The following PSD3 variants were observed in gnomAD, a reference collection of about 807,000 sequenced individuals.
PSD3 encodes the protein pleckstrin and Sec7 domain containing 3, also known as PH and SEC7 domain-containing protein 3.
A neutral mutation model predicts 105.5 loss-of-function variants in PSD3; 49 were observed. The ratio of observed to expected loss-of-function variants is 0.46; its 90% CI spans 0.37 to 0.59. The LOEUF (loss-of-function observed/expected upper bound fraction) is 0.59, where lower values mean the gene tolerates loss of function less well. Ranked by LOEUF, PSD3 falls within the 20% of genes least tolerant of loss-of-function variation. The pLI is 0.00. For missense variants in PSD3, 1,561 were observed against 1,263.8 expected (o/e 1.24, Z -3.57); for synonymous variants, 557 against 457.8 (o/e 1.22, Z -2.77).
chr8:18,875,658 T>G (rs762358602), intron 2 of PSD3, among the ~76,000 whole-genome samples: 2 of 151,976 alleles, frequency 1.3e-5, no homozygotes, highest in Non-Finnish European at 2.9e-5. Context: ...TGCCTCAGCC[T>G]CCCGAGGAGC....
chr8:18,611,070 T>A (rs1020708534), intron 11 of PSD3, among the ~76,000 whole-genome samples: 1 of 152,078 alleles, frequency 6.6e-6, no homozygotes, highest in Non-Finnish European at 1.5e-5. Flanking sequence ...ACATAAACAA[T>A]GAAAGTTAAT....
At chr8:18,919,774 C>G (rs1179953354) in intron 2 of PSD3, among the ~76,000 whole-genome samples, 1 of 145,916 alleles carries the variant, frequency 6.9e-6, no homozygotes, top group Non-Finnish European at 1.5e-5. Flanking sequence ...ACCGCATATT[C>G]TCACTCATAG....
At chr8:18,645,873 A>C (rs1334366436) in intron 10 of PSD3, among the ~76,000 whole-genome samples, 1 of 152,146 alleles carries the variant, frequency 6.6e-6, no homozygotes, top group Non-Finnish European at 1.5e-5. Flanking sequence ...CGTGCAAATA[A>C]TTTTATCAGT....
At position 19,028,231 on chromosome 8, in the gene PSD3, C is replaced by T. The variant is rs567694832; in HGVS notation, c.324+55975G>A. Among the ~76,000 whole-genome samples, 71 of 148,900 alleles carry T rather than the reference C, an allele frequency of 4.8e-4. 1 individual carries two copies. In the South Asian group the frequency reaches 8.1e-3, roughly 17 times the overall value. On this transcript the variant is annotated intron_variant, in intron 1 of 1. Transcript: ENST00000521475. ...ATGTACTTATTTTCACTTTGTGTGT[C>T]TTCTTTCATAAAGTGCCTGTTTCAA...
intron 1 of PSD3, among the ~76,000 whole-genome samples, chr8:19,041,521 A>T (rs1370444709): frequency 6.6e-6 from 1 of 152,230 alleles, no homozygotes; most frequent in Non-Finnish European, 1.5e-5. Context: ...TTTAAGTAAA[A>T]TTCAGTGCAA....
At chr8:18,544,062 C>T (rs1800302200) in intron 15 of PSD3, among the ~76,000 whole-genome samples, 1 of 150,954 alleles carries the variant, frequency 6.6e-6, no homozygotes, top group Non-Finnish European at 1.5e-5. Flanking sequence ...CTCATGCAGA[C>T]AGGGCAAAAG....
intron 4 of PSD3, among the ~76,000 whole-genome samples, chr8:18,858,254 G>T (rs534292079): frequency 3.7e-4 from 56 of 152,254 alleles, no homozygotes; most frequent in Non-Finnish European, 6.0e-4. Flanking sequence ...AGTGTGCAAC[G>T]GTATTTTGTC....
intron 1 of PSD3, among the ~76,000 whole-genome samples, chr8:19,032,405 G>A (rs1213511657): frequency 6.6e-6 from 1 of 152,078 alleles, no homozygotes; most frequent in Non-Finnish European, 1.5e-5. Context: ...CACTTTGGGA[G>A]GCCAAGGTGG....
chr8:18,708,090 G>A (rs1802007993), intron 9 of PSD3, among the ~76,000 whole-genome samples: 1 of 152,202 alleles, frequency 6.6e-6, no homozygotes, highest in African/African-American at 2.4e-5. Context: ...TACCCAGTCT[G>A]ATCCTGGAGA....
chr8:18,556,854 G>T (rs1012252100), intron 14 of PSD3, among the ~76,000 whole-genome samples: 1 of 152,190 alleles, frequency 6.6e-6, no homozygotes, highest in Non-Finnish European at 1.5e-5. Context: ...CTTCTCTGAA[G>T]CTTACCAGAT....
intron 8 of PSD3, among the ~76,000 whole-genome samples, chr8:18,782,866 G>C (rs2129445446): frequency 6.6e-6 from 1 of 152,316 alleles, no homozygotes; most frequent in African/African-American, 2.4e-5. Context: ...CATGGCCGTA[G>C]GCAGGGCAGT....
intron 1 of PSD3, among the ~76,000 whole-genome samples, chr8:19,036,716 C>A (rs1270491985): frequency 6.6e-6 from 1 of 152,160 alleles, no homozygotes; most frequent in African/African-American, 2.4e-5. Context: ...AGACCAGATT[C>A]ATGAACCCCA....
intron 11 of PSD3, among the ~76,000 whole-genome samples, chr8:18,630,691 G>T (rs1806834010): frequency 6.6e-6 from 1 of 151,542 alleles, no homozygotes. Flanking sequence ...TTTATGTGAG[G>T]TATGTCAGAT....
chr8:18,813,263 G>A (rs1055404289), intron 4 of PSD3, among the ~76,000 whole-genome samples: 1 of 152,006 alleles, frequency 6.6e-6, no homozygotes, highest in Non-Finnish European at 1.5e-5. Flanking sequence ...AAGAGGGAAT[G>A]GGTAACAGTG....
At position 18,532,982 on chromosome 8, in the gene PSD3, C is replaced by A. The variant is rs539321297; in HGVS notation, c.*2761G>T. On this transcript the variant is annotated 3_prime_UTR_variant, in exon 16 of 16. Transcript: ENST00000327040. ...GGCTCCTGGGCGCTGAGGTGGGCGA[C>A]GGAGGTGGGTGGCGTACCTTCAGAG... 6.6e-6 allele frequency: 1 copy of A among 152,144 alleles called. No individual in the cohort carries two copies. The highest frequency in any genetic ancestry group is 1.5e-5 in the Non-Finnish European group (1 of 68,058). The allele number at this position is 152,144 out of a possible 1,614,324, so 9.4% of individuals were successfully genotyped here.
At chr8:18,728,498 G>A (rs1273802678) in intron 9 of PSD3, among the ~76,000 whole-genome samples, 2 of 152,162 alleles carry the variant, frequency 1.3e-5, no homozygotes, top group Non-Finnish European at 2.9e-5. Context: ...AGGGAGGAGT[G>A]TTTCAGGCAG....
chr8:18,902,982 G>C (rs556622784), intron 2 of PSD3, among the ~76,000 whole-genome samples: 2 of 152,282 alleles, frequency 1.3e-5, no homozygotes, highest in African/African-American at 4.8e-5. Flanking sequence ...GCTTGGAGTG[G>C]CTGTGGGGCC....
chr8:18,655,715 T>C (rs1380370263), intron 9 of PSD3, 30 bp from the exon 10 acceptor site: 2 of 1,593,988 alleles, frequency 1.3e-6, no homozygotes, highest in South Asian at 1.1e-5. Context: ...GATCACATTA[T>C]TCTTTCCATT....
intron 1 of PSD3, among the ~76,000 whole-genome samples, chr8:18,976,299 T>C (rs1208840395): frequency 1.3e-5 from 2 of 152,194 alleles, no homozygotes; most frequent in Non-Finnish European, 2.9e-5. Flanking sequence ...TAAAGATACA[T>C]TGTATAACCT....
Sources: allele counts gnomAD v4.1 joint callset (sites outside exome capture counted in the v4.1 genomes callset), GRCh38; gene constraint gnomAD v4.1.1; transcripts MANE v1.5; gene names NCBI Gene and HGNC (gene_info 2026-07-23, HGNC 2026-07-21).